STX2: variants seen among roughly 807,000 people sequenced by gnomAD.
STX2 encodes syntaxin-2.
In STX2, 27 loss-of-function variants were observed where a neutral mutation model predicts 40.6. That is an observed-to-expected ratio of 0.66 (90% CI 0.49 to 0.92). STX2 has a LOEUF of 0.92. STX2 is among the 40% of genes least tolerant of loss of function. STX2 has a pLI of 0.00. For missense variants in STX2, 328 were observed against 366.1 expected (o/e 0.90, Z 0.85); for synonymous variants, 123 against 119.1 (o/e 1.03, Z -0.22).
intron 3 of STX2, among the ~76,000 whole-genome samples, chr12:130,818,217 T>TAA (rs1317224306): frequency 2.4e-5 from 3 of 122,708 alleles, no homozygotes; most frequent in African/African-American, 1.1e-4. Flanking sequence ...TATATATATA[T>TAA]AAAATTATCT....
chr12:130,812,765 T>A, intron 4 of STX2, 192 bp downstream of exon 4: 1 of 504,870 alleles, frequency 2.0e-6, no homozygotes. Flanking sequence ...TGTAACAGTA[T>A]AACAGTTTAT....
chr12:130,791,067 ATAAAT>A lies in STX2; in HGVS notation c.*951_*955del, dbSNP rs1340470537. 3 of 152,352 alleles carry A rather than the reference ATAAAT, an allele frequency of 2.0e-5. No homozygotes were observed. The highest frequency in any genetic ancestry group is 2.1e-4 in the South Asian group (1 of 4,838). 9.4% of individuals were successfully genotyped at this position (152,352 alleles called of 1,614,324 possible). A position where few individuals can be genotyped will look rare whatever the true frequency, so the allele number is the denominator to read the frequency against. On this transcript the variant is annotated 3_prime_UTR_variant, in exon 11 of 11. Transcript: ENST00000392373. ...AAAAATGGGGTACATTAAGATGCTA[ATAAAT>A]TAAACAATTTATAAACATTTAAAAT...
chr12:130,798,537 G>T lies in STX2; in HGVS notation c.774C>A (p.Ser258Arg), dbSNP rs749387686. Residue 258 changes from serine to arginine, a missense_variant, in exon 9 of 11, where the codon AGC (serine) becomes AGA (arginine). Coordinates refer to ENST00000392373, the MANE Select transcript of STX2 (RefSeq NM_194356.4). Reference protein sequence around the residue: ...EETKKAIKYQSKARRKKWIII... With the variant: ...EETKKAIKYQRKARRKKWIII... Reference sequence around the variant, plus strand: ...AAGCCAAACTCACCCTTCTTGCCTTGCTCTGATATTTGATAGCTTTTTTTG... The same window carrying T: ...AAGCCAAACTCACCCTTCTTGCCTTTCTCTGATATTTGATAGCTTTTTTTG... 1 of 1,600,810 alleles carries T rather than the reference G, an allele frequency of 6.2e-7. No homozygotes were observed. The highest frequency in any genetic ancestry group is 1.1e-5 in the South Asian group (1 of 87,942).
chr12:130,792,602 G>A (rs10744480), intron 10 of STX2, among the ~76,000 whole-genome samples: 86,199 of 151,990 alleles, frequency 0.57, 26,691 homozygotes, highest in East Asian at 0.88. Flanking sequence ...GAGCTAGGAT[G>A]ACAGGCATGC....
intron 1 of STX2, among the ~76,000 whole-genome samples, chr12:130,837,829 C>A (rs927650561): frequency 6.6e-6 from 1 of 152,126 alleles, no homozygotes; most frequent in Non-Finnish European, 1.5e-5. Flanking sequence ...TATTGATCTG[C>A]GGAACACAGG....
intron 6 of STX2, among the ~76,000 whole-genome samples, chr12:130,802,550 T>C (rs1412840345): frequency 6.6e-6 from 1 of 152,054 alleles, no homozygotes; most frequent in Non-Finnish European, 1.5e-5. Context: ...CAGACTGGAG[T>C]GTAGTGGTGC....
chr12:130,816,366 G>A (rs1951858762), intron 3 of STX2, among the ~76,000 whole-genome samples: 1 of 152,178 alleles, frequency 6.6e-6, no homozygotes, highest in Non-Finnish European at 1.5e-5. Context: ...TTACACAGCA[G>A]GGGTGGGGGG....
At chr12:130,819,500 C>T (rs1952032328) in intron 3 of STX2, among the ~76,000 whole-genome samples, 1 of 152,140 alleles carries the variant, frequency 6.6e-6, no homozygotes, top group Non-Finnish European at 1.5e-5. Flanking sequence ...CAAAACAAAA[C>T]ACAAAAAAGC....
chr12:130,806,323 G>T (rs1180450567), intron 6 of STX2, among the ~76,000 whole-genome samples: 5 of 152,180 alleles, frequency 3.3e-5, no homozygotes, highest in Non-Finnish European at 7.3e-5. Flanking sequence ...AGGGACAAAG[G>T]GATTTCCTAC....
At chr12:130,831,221 C>G (rs73459505) in intron 1 of STX2, among the ~76,000 whole-genome samples, 3,819 of 152,300 alleles carry the variant, frequency 0.025, 149 homozygotes, top group African/African-American at 0.081. Context: ...TGCTAAGGAC[C>G]TTCCATACAA....
rs535684665 is a variant in STX2 at position 130,791,725 on chromosome 12, C to T, written c.*298G>A. On this transcript the variant is annotated 3_prime_UTR_variant, in exon 11 of 11. Transcript: ENST00000392373. ...CGCATCACACCCACTGTGCTTACGG[C>T]GCTGTCACTGAACAAGACGTTCGGT... The T allele has an allele frequency of 2.0e-4, 119 of 584,738 alleles. No individual in the cohort carries two copies. The Middle Eastern group carries it at 2.3e-3, about 11-fold the overall frequency. 36.2% of individuals were successfully genotyped at this position (584,738 alleles called of 1,614,324 possible).
intron 2 of STX2, among the ~76,000 whole-genome samples, chr12:130,823,515 G>A (rs989363285): frequency 1.2e-4 from 18 of 152,194 alleles, no homozygotes; most frequent in Non-Finnish European, 1.0e-4. Flanking sequence ...ATAAGACGAG[G>A]CAAGGGAGCC....
chr12:130,828,943 T>G (rs943995325), intron 1 of STX2, among the ~76,000 whole-genome samples: 1 of 151,360 alleles, frequency 6.6e-6, no homozygotes, highest in Non-Finnish European at 1.5e-5. Context: ...AACATTAAGA[T>G]AGACCCACAT....
At chr12:130,816,406 T>C (rs1197898556) in intron 3 of STX2, among the ~76,000 whole-genome samples, 1 of 152,132 alleles carries the variant, frequency 6.6e-6, no homozygotes, top group Non-Finnish European at 1.5e-5. Context: ...TTGCTGCCAC[T>C]ACAGGCCCAC....
Position 130,801,156 on chromosome 12 carries a change from A to C in STX2, c.672T>G (p.Thr224=). 1.2e-6 allele frequency: 2 copies of C among 1,610,738 alleles called. No homozygotes were observed. The highest frequency in any genetic ancestry group is 1.7e-6 in the Non-Finnish European group (2 of 1,177,774). Reference sequence around the variant, plus strand: ...GAATGCAAGAGTCTGTAACTACCTGAGTCTCCACAAACATAGCCATGTCCA... The same window carrying C: ...GAATGCAAGAGTCTGTAACTACCTGCGTCTCCACAAACATAGCCATGTCCA... ...MFMDMAMFVE[T]QGEMINNIER... The change falls in exon 8 of 11, where the codon ACT becomes ACG. Residue 224 remains threonine (T), a synonymous_variant. Coordinates refer to ENST00000392373, the MANE Select transcript of STX2 (RefSeq NM_194356.4).
In STX2 at chr12:130,797,813, C is replaced by T. The variant is rs528185634; in HGVS notation, c.786+712G>A. ...TGTGCATCTTGAGTGAAAGGGGTTC[C>T]CTTCTTTTGAGGATCCCTTTAAGTG... On this transcript the variant is annotated intron_variant, in intron 9 of 10. Coordinates refer to ENST00000392373, the MANE Select transcript of STX2 (RefSeq NM_194356.4). Among the ~76,000 whole-genome samples the T allele has an allele frequency of 2.0e-5, 3 of 152,322 alleles. No homozygotes were observed. The South Asian group carries it at 6.2e-4, about 32-fold the overall frequency.
chr12:130,831,866 ATTT>A (rs60003050), intron 1 of STX2, among the ~76,000 whole-genome samples: 25 of 106,574 alleles, frequency 2.3e-4, no homozygotes, highest in East Asian at 3.2e-4. Context: ...CACTTCTGCA[ATTT>A]TTTTTTTTTT....
At chr12:130,815,719 G>T (rs779680161) in intron 3 of STX2, among the ~76,000 whole-genome samples, 1 of 152,188 alleles carries the variant, frequency 6.6e-6, no homozygotes, top group Non-Finnish European at 1.5e-5. Context: ...TCATCAGCTT[G>T]CAGCCTTGGC....
chr12:130,795,313 C>T (rs1384850268), intron 10 of STX2, among the ~76,000 whole-genome samples: 5 of 152,130 alleles, frequency 3.3e-5, no homozygotes, highest in Non-Finnish European at 7.4e-5. Flanking sequence ...TTATAAAGTA[C>T]CTTTCAGTGT....
Sources: gnomAD v4.1 joint callset for allele counts (sites outside exome capture counted in the v4.1 genomes callset) on GRCh38, gnomAD v4.1.1 for gene constraint, MANE v1.5 for transcripts, NCBI Gene and HGNC (gene_info 2026-07-23, HGNC 2026-07-21) for gene names.